Variants in PEX13 observed in about 807,000 individuals in gnomAD.
PEX13 encodes peroxisome biogenesis factor 13.
A neutral mutation model predicts 34.5 loss-of-function variants in PEX13; 28 were observed. That is an observed-to-expected ratio of 0.81 (90% CI 0.60 to 1.11). The LOEUF (loss-of-function observed/expected upper bound fraction) is 1.11, where lower values mean the gene tolerates loss of function less well. Among genes scored for constraint, PEX13 ranks in the 50% most tolerant of loss-of-function variants. The pLI is 0.00. For synonymous variants in PEX13, 177 were observed against 175.1 expected, an observed-to-expected ratio of 1.01 and a Z score of -0.09; for missense variants, 550 against 491.0, an observed-to-expected ratio of 1.12 and a Z score of -1.13.
chr2:61,040,742 A>AAT (rs1015093829), intron 2 of PEX13, among the ~76,000 whole-genome samples: 4 of 148,406 alleles, frequency 2.7e-5, no homozygotes, highest in African/African-American at 7.4e-5. Context: ...ATTAAATGTA[A>AAT]ATATATATAT....
chr2:61,036,310 A>T (rs886892165), intron 2 of PEX13, among the ~76,000 whole-genome samples: 1 of 152,162 alleles, frequency 6.6e-6, no homozygotes, highest in African/African-American at 2.4e-5. Flanking sequence ...GAGAAGAGCA[A>T]CCCTAAGACA....
chr2:61,044,339 G>A (rs1322307827), intron 2 of PEX13, among the ~76,000 whole-genome samples: 2 of 152,128 alleles, frequency 1.3e-5, no homozygotes, highest in Non-Finnish European at 2.9e-5. Flanking sequence ...TGCAGTCTCG[G>A]CTCACTGCAA....
chr2:61,019,685 GTTTCCT>G (rs1200864239), intron 1 of PEX13, among the ~76,000 whole-genome samples: 1 of 151,974 alleles, frequency 6.6e-6, no homozygotes, highest in Non-Finnish European at 1.5e-5. Context: ...TCATATCAAG[GTTTCCT>G]AAATATGTAG....
At chr2:61,043,285 A>T (rs1200835410) in intron 2 of PEX13, among the ~76,000 whole-genome samples, 2 of 150,140 alleles carry the variant, frequency 1.3e-5, no homozygotes, top group Non-Finnish European at 3.0e-5. Context: ...TCATGAGGTC[A>T]GGAGATGGAG....
intron 2 of PEX13, among the ~76,000 whole-genome samples, chr2:61,037,377 A>T (rs1680553376): frequency 6.6e-6 from 1 of 152,178 alleles, no homozygotes; most frequent in African/African-American, 2.4e-5. Context: ...GAAGTAAAAC[A>T]CTCCTCAGCA....
chr2:61,031,979 T>G lies in PEX13; in HGVS notation c.653T>G (p.Val218Gly). 6.2e-7 allele frequency: 1 copy of G among 1,614,022 alleles called. No homozygotes were observed. The highest frequency in any genetic ancestry group is 8.5e-7 in the Non-Finnish European group (1 of 1,179,880). ...EDLWAESEGT[V>G]ACLGAEDRAA... is the part of the protein sequence containing the mutation. The stretch of plus-strand genomic sequence containing the variant: ...CTCTGGGCAGAGAGTGAAGGAACTG[T>G]GGCATGCCTTGGTGCTGAGGACCGA... Residue 218 changes from valine (V) to glycine (G), a missense_variant, in exon 2 of 4, where the codon GTG becomes GGG. By Grantham distance (109) the Val-to-Gly change is moderately radical. Transcript: ENST00000295030.
chr2:61,042,375 G>T (rs1259111648), intron 2 of PEX13, among the ~76,000 whole-genome samples: 1 of 151,964 alleles, frequency 6.6e-6, no homozygotes, highest in African/African-American at 2.4e-5. Context: ...TATATACATT[G>T]TTATACTACA....
chr2:61,032,872 T>G (rs1452593668), intron 2 of PEX13, among the ~76,000 whole-genome samples: 1 of 152,194 alleles, frequency 6.6e-6, no homozygotes, highest in East Asian at 1.9e-4. Flanking sequence ...AACAAAAGTA[T>G]ATAGGCAGAA....
At chr2:61,027,431 C>T (rs996631110) in intron 1 of PEX13, among the ~76,000 whole-genome samples, 2 of 152,110 alleles carry the variant, frequency 1.3e-5, no homozygotes, top group Non-Finnish European at 2.9e-5. Context: ...GTTTCATTTC[C>T]TGGGCTGGAG....
intron 2 of PEX13, among the ~76,000 whole-genome samples, chr2:61,032,523 G>C (rs1021316667): frequency 6.6e-6 from 1 of 152,176 alleles, no homozygotes; most frequent in Non-Finnish European, 1.5e-5. Flanking sequence ...ACTGTGCTAG[G>C]TATTTTGTGT....
chr2:61,032,532 G>A (rs1156848579), intron 2 of PEX13, among the ~76,000 whole-genome samples: 3 of 152,182 alleles, frequency 2.0e-5, no homozygotes, highest in African/African-American at 7.2e-5. Flanking sequence ...GGTATTTTGT[G>A]TGTTTTATCT....
chr2:61,047,125 A>C (rs1396279374), intron 3 of PEX13, among the ~76,000 whole-genome samples: 1 of 151,234 alleles, frequency 6.6e-6, no homozygotes, highest in Non-Finnish European at 1.5e-5. Context: ...ACAAACCTCT[A>C]GACTTTTAGG....
chr2:61,041,648 T>G (rs115817350), intron 2 of PEX13, among the ~76,000 whole-genome samples: 3 of 151,982 alleles, frequency 2.0e-5, no homozygotes, highest in African/African-American at 7.3e-5. Flanking sequence ...AAAGAAAAGA[T>G]TAGCAGTGAA....
chr2:61,027,625 G>T (rs1231486436), intron 1 of PEX13, among the ~76,000 whole-genome samples: 4 of 152,174 alleles, frequency 2.6e-5, no homozygotes, highest in African/African-American at 9.7e-5. Context: ...ATTGAAGCCT[G>T]CATCTTGGCT....
chr2:61,027,965 C>G (rs1318115882), intron 1 of PEX13, among the ~76,000 whole-genome samples: 1 of 152,124 alleles, frequency 6.6e-6, no homozygotes, highest in Non-Finnish European at 1.5e-5. Flanking sequence ...TAAATTAAAA[C>G]TTTAGCCTGG....
chr2:61,040,817 T>C (rs1680612377), intron 2 of PEX13, among the ~76,000 whole-genome samples: 1 of 147,976 alleles, frequency 6.8e-6, no homozygotes, highest in African/African-American at 2.5e-5. Flanking sequence ...TATATGTATA[T>C]ATATAATATA....
chr2:61,038,744 A>G (rs2104808186), intron 2 of PEX13, among the ~76,000 whole-genome samples: 1 of 152,344 alleles, frequency 6.6e-6, no homozygotes, highest in Admixed American at 6.5e-5. Context: ...TGGTGTTAGA[A>G]GTTCTGGCTA....
chr2:61,019,817 A>G (rs748601338), intron 1 of PEX13, among the ~76,000 whole-genome samples: 10 of 152,098 alleles, frequency 6.6e-5, no homozygotes, highest in Non-Finnish European at 1.3e-4. Flanking sequence ...GTTCTTTGTA[A>G]TTGCGCTCTT....
chr2:61,045,224 T>C (rs1326778602), intron 2 of PEX13, among the ~76,000 whole-genome samples: 1 of 152,240 alleles, frequency 6.6e-6, no homozygotes, highest in East Asian at 1.9e-4. Flanking sequence ...TTATTACAAA[T>C]TAGAATTAGC....
Sources: allele counts gnomAD v4.1 joint callset (sites outside exome capture counted in the v4.1 genomes callset), GRCh38; gene constraint gnomAD v4.1.1; transcripts MANE v1.5; gene names NCBI Gene and HGNC (gene_info 2026-07-23, HGNC 2026-07-21).